Variants in PLCXD3 observed in about 807,000 individuals in gnomAD.
PLCXD3 encodes PI-PLC X domain-containing protein 3.
PLCXD3 carries 19 observed loss-of-function variants against 25.5 expected under a neutral mutation model. That is an observed-to-expected ratio of 0.75 (90% CI 0.52 to 1.09). The LOEUF (loss-of-function observed/expected upper bound fraction) is 1.09, where lower values mean the gene tolerates loss of function less well. Ranked by LOEUF, PLCXD3 falls within the 50% of genes least tolerant of loss-of-function variation. The pLI, the probability that PLCXD3 is intolerant of heterozygous loss-of-function variation, is 0.00. For synonymous variants in PLCXD3, 174 were observed against 137.6 expected, an observed-to-expected ratio of 1.26 and a Z score of -1.85; for missense variants, 411 against 388.1, an observed-to-expected ratio of 1.06 and a Z score of -0.50.
intron 2 of PLCXD3, among the ~76,000 whole-genome samples, chr5:41,365,022 T>C (rs1267383584): frequency 6.6e-6 from 1 of 152,176 alleles, no homozygotes; most frequent in African/African-American, 2.4e-5. Flanking sequence ...ACATAATGCT[T>C]TCACTTTTCT....
rs374976112 is a variant in PLCXD3, at chr5:41,347,592, T to C, written c.813-33822A>G. 1.7e-4 allele frequency among the ~76,000 whole-genome samples: 26 copies of C among 152,344 alleles called. No homozygotes were observed. The South Asian group carries it at 5.0e-3, about 29-fold the overall frequency. On this transcript the variant is annotated intron_variant, in intron 2 of 2. Transcript: ENST00000377801. The stretch of plus-strand genomic sequence containing the variant: ...TGTGTCTGTGCAAGCACAACATCTG[T>C]AGATACTAGTTACCAACCTATAGTT...
chr5:41,398,000 G>A (rs1343808964), intron 1 of PLCXD3, among the ~76,000 whole-genome samples: 2 of 152,212 alleles, frequency 1.3e-5, no homozygotes, highest in African/African-American at 2.4e-5. Context: ...ATCATTGATG[G>A]AAGGGATTTA....
intron 1 of PLCXD3, among the ~76,000 whole-genome samples, chr5:41,453,093 T>G (rs1401941818): frequency 1.3e-5 from 2 of 151,982 alleles, no homozygotes; most frequent in Non-Finnish European, 2.9e-5. Flanking sequence ...TGTTGTACAA[T>G]AGATCTCTTG....
chr5:41,418,565 G>C (rs1344290693), intron 1 of PLCXD3, among the ~76,000 whole-genome samples: 3 of 151,956 alleles, frequency 2.0e-5, no homozygotes, highest in African/African-American at 7.3e-5. Context: ...CATTTGTATG[G>C]CAATATCCTA....
At chr5:41,464,268 C>T (rs1052494383) in intron 1 of PLCXD3, among the ~76,000 whole-genome samples, 12 of 152,012 alleles carry the variant, frequency 7.9e-5, no homozygotes, top group African/African-American at 2.7e-4. Flanking sequence ...ATCTCAATTA[C>T]CTACTTAGTT....
At chr5:41,330,084 T>G (rs1743749962) in intron 2 of PLCXD3, among the ~76,000 whole-genome samples, 1 of 152,024 alleles carries the variant, frequency 6.6e-6, no homozygotes, top group African/African-American at 2.4e-5. Context: ...TTCAATGAAG[T>G]GTATCTTTTA....
chr5:41,375,872 C>A, intron 2 of PLCXD3, among the ~76,000 whole-genome samples: 1 of 152,106 alleles, frequency 6.6e-6, no homozygotes, highest in East Asian at 1.9e-4. Context: ...ATAATCCTAG[C>A]TTATTAATTA....
intron 1 of PLCXD3, among the ~76,000 whole-genome samples, chr5:41,477,504 G>A (rs1748306456): frequency 6.6e-6 from 1 of 151,912 alleles, no homozygotes; most frequent in Non-Finnish European, 1.5e-5. Flanking sequence ...ATTTGCCTGG[G>A]TTCCATTTAA....
intron 2 of PLCXD3, among the ~76,000 whole-genome samples, chr5:41,338,749 A>G (rs1418493734): frequency 1.3e-5 from 2 of 152,114 alleles, no homozygotes; most frequent in African/African-American, 4.8e-5. Context: ...ACATAACCAC[A>G]CCATCTGTAT....
At chr5:41,402,984 C>A (rs114902547) in intron 1 of PLCXD3, among the ~76,000 whole-genome samples, 38 of 152,154 alleles carry the variant, frequency 2.5e-4, no homozygotes, top group Non-Finnish European at 5.1e-4. Flanking sequence ...CAATTGTAAT[C>A]CATTAACATC....
At chr5:41,380,015 A>G (rs530960329) in intron 2 of PLCXD3, among the ~76,000 whole-genome samples, 1 of 152,188 alleles carries the variant, frequency 6.6e-6, no homozygotes, top group East Asian at 1.9e-4. Flanking sequence ...GAAGAAAGTT[A>G]TGATTTTATG....
At chr5:41,398,044 T>G (rs914804126) in intron 1 of PLCXD3, among the ~76,000 whole-genome samples, 1 of 152,186 alleles carries the variant, frequency 6.6e-6, no homozygotes, top group Non-Finnish European at 1.5e-5. Context: ...ACTTGGACTT[T>G]TGAGTTAATG....
intron 2 of PLCXD3, among the ~76,000 whole-genome samples, chr5:41,329,699 G>A (rs1743732447): frequency 6.6e-6 from 1 of 151,410 alleles, no homozygotes; most frequent in Non-Finnish European, 1.5e-5. Context: ...AGTGTCAGGA[G>A]GTTCTGTGCT....
At chr5:41,485,283 T>C (rs1748494285) in intron 1 of PLCXD3, among the ~76,000 whole-genome samples, 1 of 152,164 alleles carries the variant, frequency 6.6e-6, no homozygotes, top group Non-Finnish European at 1.5e-5. Flanking sequence ...AAATCCTGTG[T>C]CAATGCAGAT....
intron 1 of PLCXD3, among the ~76,000 whole-genome samples, chr5:41,394,527 T>C (rs936348702): frequency 1.3e-5 from 2 of 152,050 alleles, no homozygotes; most frequent in African/African-American, 4.8e-5. Context: ...ATTGGTTAAA[T>C]GAATGGAAAA....
chr5:41,500,399 G>C (rs570587342), intron 1 of PLCXD3, among the ~76,000 whole-genome samples: 1 of 151,944 alleles, frequency 6.6e-6, no homozygotes, highest in East Asian at 1.9e-4. Flanking sequence ...GTAGCGAGTG[G>C]AATAATAGAC....
intron 2 of PLCXD3, among the ~76,000 whole-genome samples, chr5:41,352,009 A>G (rs1385958928): frequency 6.6e-6 from 1 of 152,208 alleles, no homozygotes; most frequent in Non-Finnish European, 1.5e-5. Context: ...GCATTTCAAA[A>G]CTATGTCATT....
chr5:41,414,533 G>A (rs983943631), intron 1 of PLCXD3, among the ~76,000 whole-genome samples: 2 of 152,144 alleles, frequency 1.3e-5, no homozygotes, highest in African/African-American at 4.8e-5. Flanking sequence ...ATGATGAATA[G>A]GAGGGTGATT....
At chr5:41,437,462 G>A (rs1260043833) in intron 1 of PLCXD3, among the ~76,000 whole-genome samples, 1 of 152,228 alleles carries the variant, frequency 6.6e-6, no homozygotes, top group Non-Finnish European at 1.5e-5. Context: ...GTGGGAAGAG[G>A]TGAGGGAAGA....
Sources: gnomAD v4.1 joint callset for allele counts (sites outside exome capture counted in the v4.1 genomes callset) on GRCh38, gnomAD v4.1.1 for gene constraint, MANE v1.5 for transcripts, NCBI Gene and HGNC (gene_info 2026-07-23, HGNC 2026-07-21) for gene names.